The following RALGAPA1 variants were observed in gnomAD, a reference collection of about 807,000 sequenced individuals.
RALGAPA1 encodes Ral GTPase activating protein catalytic subunit alpha 1, also known as ral GTPase-activating protein subunit alpha-1.
RALGAPA1 carries 52 observed loss-of-function variants against 269.6 expected under a neutral mutation model. That is an observed-to-expected ratio of 0.19 (90% CI 0.15 to 0.24). The LOEUF is 0.24. Among genes scored for constraint, RALGAPA1 ranks in the 10% least tolerant of loss-of-function variants. The pLI, the probability that RALGAPA1 is intolerant of heterozygous loss-of-function variation, is 1.00. For synonymous variants in RALGAPA1, 817 were observed against 1,008.3 expected, an observed-to-expected ratio of 0.81 and a Z score of 3.60; for missense variants, 1,917 against 3,013.9, an observed-to-expected ratio of 0.64 and a Z score of 8.52.
intron 37 of RALGAPA1, among the ~76,000 whole-genome samples, chr14:35,590,321 T>A (rs2058560148): frequency 6.6e-6 from 1 of 152,182 alleles, no homozygotes; most frequent in African/African-American, 2.4e-5. Context: ...ATTAGGCAAT[T>A]TCTAACAATA....
chr14:35,622,099 G>A (rs982222803), intron 35 of RALGAPA1, among the ~76,000 whole-genome samples: 2 of 152,154 alleles, frequency 1.3e-5, no homozygotes, highest in African/African-American at 4.8e-5. Flanking sequence ...CAATAGCAAA[G>A]ACTTGGAACC....
chr14:35,712,722 G>A (rs115417946), intron 16 of RALGAPA1, among the ~76,000 whole-genome samples: 1,623 of 152,252 alleles, frequency 0.011, 31 homozygotes, highest in African/African-American at 0.037. Flanking sequence ...GCTCAGGCTA[G>A]CCTCCAACTC....
chr14:35,659,098 C>A, intron 28 of RALGAPA1, 40 bp downstream of exon 28: 1 of 1,475,702 alleles, frequency 6.8e-7, no homozygotes, highest in Non-Finnish European at 9.2e-7. Context: ...AACTTCCAAA[C>A]ACAAAATAGT....
intron 4 of RALGAPA1, among the ~76,000 whole-genome samples, chr14:35,764,005 T>A (rs1399842026): frequency 1.3e-5 from 2 of 152,184 alleles, no homozygotes; most frequent in Admixed American, 6.6e-5. Context: ...TCATTTGATA[T>A]TTCCTAGTGA....
intron 37 of RALGAPA1, among the ~76,000 whole-genome samples, chr14:35,584,334 G>A (rs1299683755): frequency 6.6e-6 from 1 of 151,980 alleles, no homozygotes; most frequent in Non-Finnish European, 1.5e-5. Context: ...TGCAATCATG[G>A]CCCACTGCAG....
At chr14:35,578,135 C>G (rs997214667) in intron 37 of RALGAPA1, among the ~76,000 whole-genome samples, 1 of 152,128 alleles carries the variant, frequency 6.6e-6, no homozygotes, top group Non-Finnish European at 1.5e-5. Context: ...TGAGTAAAAA[C>G]AGACATGGTC....
At chr14:35,683,566 T>C (rs917096648) in intron 21 of RALGAPA1, 14 of 328,274 alleles carry the variant, frequency 4.3e-5, no homozygotes, top group Non-Finnish European at 6.7e-5. Context: ...AATGTTCTAG[T>C]GCATATATAT....
At chr14:35,775,135 G>GTTT in intron 2 of RALGAPA1, 80 bp from the exon 3 acceptor site, 3 of 740,106 alleles carry the variant, frequency 4.1e-6, no homozygotes, top group African/African-American at 3.7e-5. Context: ...AAGAATGAAG[G>GTTT]TTTTTTTTTT....
At chr14:35,743,294 C>T (rs1013487097) in intron 10 of RALGAPA1, among the ~76,000 whole-genome samples, 2 of 151,964 alleles carry the variant, frequency 1.3e-5, no homozygotes, top group African/African-American at 2.4e-5. Flanking sequence ...AATTCATTGT[C>T]GTAAAAAGCC....
intron 16 of RALGAPA1, among the ~76,000 whole-genome samples, chr14:35,717,711 C>T (rs1410164431): frequency 6.6e-6 from 1 of 151,974 alleles, no homozygotes. Context: ...GCGTGTACTA[C>T]AACGGTCAGC....
chr14:35,599,338 T>G (rs1301412654), intron 36 of RALGAPA1, among the ~76,000 whole-genome samples: 2 of 152,216 alleles, frequency 1.3e-5, no homozygotes, highest in African/African-American at 2.4e-5. Flanking sequence ...ATAAAACTGC[T>G]TTCAGTGATT....
At chr14:35,567,200 A>G (rs1446811713) in intron 39 of RALGAPA1, among the ~76,000 whole-genome samples, 4 of 152,016 alleles carry the variant, frequency 2.6e-5, no homozygotes, top group Admixed American at 2.0e-4. Context: ...ATTTTCTCCA[A>G]TGTGGTATCT....
At chr14:35,621,203 T>C (rs1012391794) in intron 35 of RALGAPA1, among the ~76,000 whole-genome samples, 5 of 151,978 alleles carry the variant, frequency 3.3e-5, no homozygotes, top group African/African-American at 1.2e-4. Flanking sequence ...TCAGAAATAA[T>C]ACCACACATC....
chr14:35,541,193 G>A (rs2053960002), intron 41 of RALGAPA1, among the ~76,000 whole-genome samples: 1 of 151,446 alleles, frequency 6.6e-6, no homozygotes, highest in African/African-American at 2.4e-5. Flanking sequence ...CCACAGGTGC[G>A]CACCACCACG....
chr14:35,663,234 G>A (rs2063671348), intron 27 of RALGAPA1, among the ~76,000 whole-genome samples: 1 of 152,052 alleles, frequency 6.6e-6, no homozygotes, highest in Non-Finnish European at 1.5e-5. Flanking sequence ...CAAACAGTAT[G>A]TTAGGGTACG....
intron 23 of RALGAPA1, 32 bp downstream of exon 23, chr14:35,674,484 T>C (rs750853338): frequency 1.3e-6 from 2 of 1,547,766 alleles, no homozygotes; most frequent in Non-Finnish European, 1.8e-6. Flanking sequence ...TTTTATTTTC[T>C]TCTCCACTTA....
At chr14:35,625,895 C>CA (rs2060963176) in intron 34 of RALGAPA1, among the ~76,000 whole-genome samples, 1 of 152,042 alleles carries the variant, frequency 6.6e-6, no homozygotes, top group Non-Finnish European at 1.5e-5. Flanking sequence ...ATAATTTTAC[C>CA]AAATCCCTTC....
intron 35 of RALGAPA1, among the ~76,000 whole-genome samples, chr14:35,616,309 C>T (rs942726283): frequency 6.6e-6 from 1 of 151,864 alleles, no homozygotes; most frequent in African/African-American, 2.4e-5. Flanking sequence ...AGAAAATGAA[C>T]CAGTGAAGAC....
intron 31 of RALGAPA1, among the ~76,000 whole-genome samples, chr14:35,640,690 C>T (rs1320259788): frequency 6.6e-6 from 1 of 152,132 alleles, no homozygotes; most frequent in Non-Finnish European, 1.5e-5. Flanking sequence ...CCTTCTGAAA[C>T]TATTCTGAAA....
Sources: allele counts gnomAD v4.1 joint callset (sites outside exome capture counted in the v4.1 genomes callset), GRCh38; gene constraint gnomAD v4.1.1; transcripts MANE v1.5; gene names NCBI Gene and HGNC (gene_info 2026-07-23, HGNC 2026-07-21).